Variants in AFG2A observed in about 807,000 individuals in gnomAD.
AFG2A encodes ATPase family gene 2 protein homolog A.
chr4:123,120,489 C>A, the AFG2A span, among the ~76,000 whole-genome samples: 7 of 152,118 alleles, frequency 4.6e-5, no homozygotes, highest in East Asian at 1.3e-3. Flanking sequence ...ATTATGTGTG[C>A]TGCATCATCT....
At chr4:123,079,963 A>T in the AFG2A span, among the ~76,000 whole-genome samples, 2 of 151,726 alleles carry the variant, frequency 1.3e-5, no homozygotes, top group African/African-American at 4.8e-5. Context: ...GTTAGCCAGG[A>T]TGGTCTCGAT....
chr4:123,256,188 A>G, the AFG2A span: 1 of 1,613,254 alleles, frequency 6.2e-7, no homozygotes, highest in Non-Finnish European at 8.5e-7. Flanking sequence ...GAGGTAAGAT[A>G]GTTCCCTTCA....
chr4:123,259,677 A>C, the AFG2A span, among the ~76,000 whole-genome samples: 1 of 152,118 alleles, frequency 6.6e-6, no homozygotes, highest in African/African-American at 2.4e-5. Context: ...TAGCAATTCC[A>C]CCTCATTTAT....
the AFG2A span, among the ~76,000 whole-genome samples, chr4:123,178,475 A>G: frequency 1.3e-5 from 2 of 152,224 alleles, no homozygotes; most frequent in Non-Finnish European, 2.9e-5. Context: ...TAATTAATGA[A>G]TTACTCAGAA....
At chr4:123,023,304 C>T in the AFG2A span, among the ~76,000 whole-genome samples, 2 of 152,188 alleles carry the variant, frequency 1.3e-5, no homozygotes, top group South Asian at 2.1e-4. Context: ...TAATCCAAAC[C>T]TCAGCGTCAC....
At chr4:123,187,941 T>C in the AFG2A span, among the ~76,000 whole-genome samples, 1 of 150,454 alleles carries the variant, frequency 6.6e-6, no homozygotes, top group Admixed American at 6.7e-5. Flanking sequence ...GAGGCTGCAG[T>C]GAGCCATGAT....
chr4:123,176,959 T>G, the AFG2A span, among the ~76,000 whole-genome samples: 20 of 152,146 alleles, frequency 1.3e-4, no homozygotes, highest in African/African-American at 4.8e-4. Context: ...CTGGTTAAAA[T>G]AAAACATGCC....
At chr4:123,273,324 G>A in the AFG2A span, among the ~76,000 whole-genome samples, 2 of 152,018 alleles carry the variant, frequency 1.3e-5, no homozygotes, top group African/African-American at 4.8e-5. Context: ...CTTTATCAGT[G>A]TAAACATACT....
chr4:123,091,863 G>A, the AFG2A span, among the ~76,000 whole-genome samples: 16 of 152,066 alleles, frequency 1.1e-4, no homozygotes, highest in Non-Finnish European at 4.4e-5. Context: ...CTTTTTTGTT[G>A]TTGCTGGCAT....
At chr4:123,081,282 AGGTGTT>A in the AFG2A span, among the ~76,000 whole-genome samples, 1 of 152,176 alleles carries the variant, frequency 6.6e-6, no homozygotes, top group Non-Finnish European at 1.5e-5. Flanking sequence ...CTCTGTAACC[AGGTGTT>A]AACCTGGCAA....
chr4:123,020,089 CTCCCCATCTGCGTCATG>C, the AFG2A span, among the ~76,000 whole-genome samples: 1 of 152,044 alleles, frequency 6.6e-6, no homozygotes, highest in African/African-American at 2.4e-5. Flanking sequence ...AACCTTTTAA[CTCCCCATCTGCGTCATG>C]CTTTTCTTTT....
chr4:123,309,616 C>T, the AFG2A span, among the ~76,000 whole-genome samples: 2 of 152,148 alleles, frequency 1.3e-5, no homozygotes, highest in African/African-American at 2.4e-5. Flanking sequence ...TTCTATTGTG[C>T]ACCATGGGGA....
the AFG2A span, among the ~76,000 whole-genome samples, chr4:123,282,400 A>G: frequency 6.6e-6 from 1 of 152,162 alleles, no homozygotes; most frequent in Non-Finnish European, 1.5e-5. Context: ...AGTATGCTCT[A>G]AGTTCACTAA....
At chr4:123,096,427 T>C in the AFG2A span, among the ~76,000 whole-genome samples, 1 of 152,094 alleles carries the variant, frequency 6.6e-6, no homozygotes, top group Non-Finnish European at 1.5e-5. Flanking sequence ...TTTTGGAATT[T>C]ATGTTGTTCA....
At chr4:123,313,838 T>C in the AFG2A span, 1 of 1,466,414 alleles carries the variant, frequency 6.8e-7, no homozygotes, top group Middle Eastern at 1.8e-4. Context: ...TCTAAAAGAG[T>C]ACTGATTGTT....
chr4:123,073,771 T>C, the AFG2A span, among the ~76,000 whole-genome samples: 1 of 152,226 alleles, frequency 6.6e-6, no homozygotes, highest in African/African-American at 2.4e-5. Flanking sequence ...AACATTTAGA[T>C]GTATTGTTGA....
the AFG2A span, among the ~76,000 whole-genome samples, chr4:123,064,971 G>A: frequency 4.6e-5 from 7 of 152,050 alleles, no homozygotes; most frequent in East Asian, 1.9e-4. Context: ...GTGAGAAAAC[G>A]GGGCTGTAGA....
chr4:123,128,051 T>G, the AFG2A span, among the ~76,000 whole-genome samples: 3 of 152,326 alleles, frequency 2.0e-5, no homozygotes, highest in South Asian at 6.2e-4. Flanking sequence ...AAAACTGTCT[T>G]TGTGTAAATA....
the AFG2A span, among the ~76,000 whole-genome samples, chr4:123,007,729 G>T: frequency 6.7e-6 from 1 of 149,776 alleles, no homozygotes; most frequent in Admixed American, 6.6e-5. Flanking sequence ...ATTATCTCCA[G>T]TACTCTACCC....
Sources: gnomAD v4.1 joint callset for allele counts (sites outside exome capture counted in the v4.1 genomes callset) on GRCh38, gnomAD v4.1.1 for gene constraint, MANE v1.5 for transcripts, NCBI Gene and HGNC (gene_info 2026-07-23, HGNC 2026-07-21) for gene names.